Variants in MAD1L1 observed in about 807,000 individuals in gnomAD.
MAD1L1 encodes the protein mitotic spindle assembly checkpoint protein MAD1.
A neutral mutation model predicts 96.9 loss-of-function variants in MAD1L1; 95 were observed. That is an observed-to-expected ratio of 0.98 (90% CI 0.83 to 1.16). The LOEUF is 1.16. MAD1L1 is among the 50% of genes most tolerant of loss of function. MAD1L1 has a pLI of 0.00. For missense variants in MAD1L1, 1,007 were observed against 954.4 expected (o/e 1.06, Z -0.73); for synonymous variants, 473 against 396.6 (o/e 1.19, Z -2.29).
intron 11 of MAD1L1, among the ~76,000 whole-genome samples, chr7:2,141,122 A>G (rs1789007899): frequency 6.6e-6 from 1 of 152,212 alleles, no homozygotes; most frequent in Non-Finnish European, 1.5e-5. Flanking sequence ...CGGCCCCGTC[A>G]TGAAGGAGCG....
chr7:1,895,582 A>G (rs1303782000), intron 18 of MAD1L1, among the ~76,000 whole-genome samples: 2 of 152,254 alleles, frequency 1.3e-5, no homozygotes, highest in Non-Finnish European at 2.9e-5. Context: ...AAAGTGGGTA[A>G]GCTAAAAGCA....
At chr7:2,232,132 C>A (rs1449477090) in intron 1 of MAD1L1, among the ~76,000 whole-genome samples, 1 of 152,218 alleles carries the variant, frequency 6.6e-6, no homozygotes, top group Non-Finnish European at 1.5e-5. Flanking sequence ...TTACTATGGG[C>A]TCATGGCAGG....
chr7:1,937,322 G>A (rs572106255), intron 16 of MAD1L1, among the ~76,000 whole-genome samples: 23 of 152,302 alleles, frequency 1.5e-4, no homozygotes, highest in African/African-American at 4.3e-4. Flanking sequence ...AGCCTGGAAG[G>A]TGCCCCGTGC....
intron 10 of MAD1L1, among the ~76,000 whole-genome samples, chr7:2,152,334 G>A (rs767513085): frequency 5.9e-5 from 9 of 152,202 alleles, no homozygotes; most frequent in Non-Finnish European, 1.3e-4. Context: ...AGGGGCAGCC[G>A]TGCCCAACAC....
intron 11 of MAD1L1, among the ~76,000 whole-genome samples, chr7:2,131,940 G>A (rs1411133824): frequency 1.3e-5 from 2 of 152,194 alleles, no homozygotes; most frequent in African/African-American, 4.8e-5. Context: ...ATGGAGGGCT[G>A]CTCAGGTGCC....
intron 5 of MAD1L1, chr7:2,221,073 G>A: frequency 6.3e-7 from 1 of 1,586,302 alleles, no homozygotes; most frequent in African/African-American, 1.3e-5. Flanking sequence ...GGGCTTCCCT[G>A]AGGAGCGGCC....
chr7:2,162,741 G>C (rs73039251), intron 10 of MAD1L1, among the ~76,000 whole-genome samples: 31,981 of 144,166 alleles, frequency 0.22, 3,676 homozygotes, highest in Middle Eastern at 0.38. Context: ...ATGGATCCCA[G>C]AAGTTGGCTA....
chr7:1,962,134 T>C (rs1050336105), intron 15 of MAD1L1, among the ~76,000 whole-genome samples: 2 of 152,220 alleles, frequency 1.3e-5, no homozygotes, highest in Non-Finnish European at 2.9e-5. Context: ...TCTCATCTAT[T>C]GTGGGAAGGA....
intron 18 of MAD1L1, among the ~76,000 whole-genome samples, chr7:1,860,979 C>G (rs1349581209): frequency 6.6e-6 from 1 of 152,312 alleles, no homozygotes; most frequent in Middle Eastern, 3.4e-3. Flanking sequence ...GGTGGTTGTA[C>G]CAGCAGCTGC....
Position 2,042,744 on chromosome 7 carries a change from A to G in MAD1L1, c.1218+26450T>C, listed in dbSNP as rs550272640. On this transcript the variant is annotated intron_variant, in intron 12 of 18. Coordinates refer to ENST00000265854, the MANE Select transcript of MAD1L1 (RefSeq NM_001013836.2). ...CTCCTTGCCTTCTGCCATGATCAGA[A>G]GCTTCCTGGTACCTCAGCAGAAGCA... Among the ~76,000 whole-genome samples, 5 of 152,274 alleles carry G rather than the reference A, an allele frequency of 3.3e-5. 1 individual carries two copies. The East Asian group carries it at 9.7e-4, about 29-fold the overall frequency.
chr7:2,013,789 T>C (rs928784414), intron 13 of MAD1L1, among the ~76,000 whole-genome samples: 2 of 152,086 alleles, frequency 1.3e-5, no homozygotes, highest in Non-Finnish European at 2.9e-5. Flanking sequence ...GGCCCCAGTG[T>C]AGATGAGAAG....
rs534826161 is a variant in MAD1L1 at position 1,992,589 on chromosome 7, T to C, written c.1416+9476A>G. Among the ~76,000 whole-genome samples the C allele has an allele frequency of 3.3e-5, 5 of 152,252 alleles. No individual in the cohort carries two copies. The East Asian group carries it at 9.7e-4, about 29-fold the overall frequency. ...ACAGAAAGGGCCTCCCTCCCTCCTA[T>C]CAGCTCCAATCCTACATCTGCCTTT... On this transcript the variant is annotated intron_variant, in intron 14 of 18. Transcript: ENST00000265854.
intron 10 of MAD1L1, among the ~76,000 whole-genome samples, chr7:2,172,346 T>G (rs1332752128): frequency 6.6e-6 from 1 of 152,120 alleles, no homozygotes; most frequent in Non-Finnish European, 1.5e-5. Flanking sequence ...CAGAATCCCA[T>G]GTGAACCCCA....
intron 17 of MAD1L1, among the ~76,000 whole-genome samples, chr7:1,933,766 G>A (rs1789616214): frequency 6.6e-6 from 1 of 152,144 alleles, no homozygotes; most frequent in African/African-American, 2.4e-5. Context: ...AACTGCCCAG[G>A]GCACACAGAT....
At chr7:2,181,983 G>A (rs1791222579) in intron 10 of MAD1L1, among the ~76,000 whole-genome samples, 1 of 152,104 alleles carries the variant, frequency 6.6e-6, no homozygotes, top group African/African-American at 2.4e-5. Flanking sequence ...TAAGCTATAA[G>A]GACACAAAGG....
chr7:2,010,240 C>T (rs1028762762), intron 13 of MAD1L1, among the ~76,000 whole-genome samples: 1 of 152,012 alleles, frequency 6.6e-6, no homozygotes, highest in Non-Finnish European at 1.5e-5. Context: ...AGCCAAACCA[C>T]CCACGGCAGC....
At chr7:2,188,826 G>A (rs1791581688) in intron 10 of MAD1L1, among the ~76,000 whole-genome samples, 1 of 151,990 alleles carries the variant, frequency 6.6e-6, no homozygotes, top group Non-Finnish European at 1.5e-5. Context: ...AAAAAAAATA[G>A]ACAAATGAAA....
chr7:2,205,912 T>A (rs1411962064), intron 10 of MAD1L1, among the ~76,000 whole-genome samples: 4 of 152,150 alleles, frequency 2.6e-5, no homozygotes, highest in African/African-American at 9.7e-5. Flanking sequence ...GGCAGGCAGA[T>A]CACCTGAGGT....
chr7:2,145,796 G>A (rs1172861097), intron 11 of MAD1L1, among the ~76,000 whole-genome samples: 1 of 152,198 alleles, frequency 6.6e-6, no homozygotes, highest in East Asian at 1.9e-4. Flanking sequence ...GAATGCTACT[G>A]CAGTAACTAT....
Sources: allele counts gnomAD v4.1 joint callset (sites outside exome capture counted in the v4.1 genomes callset), GRCh38; gene constraint gnomAD v4.1.1; transcripts MANE v1.5; gene names NCBI Gene and HGNC (gene_info 2026-07-23, HGNC 2026-07-21).